Variants in LMLN observed in about 807,000 individuals in gnomAD.
LMLN encodes the protein leishmanolysin like peptidase.
A neutral mutation model predicts 92.3 loss-of-function variants in LMLN; 70 were observed. That is an observed-to-expected ratio of 0.76 (90% confidence interval 0.63 to 0.92). The LOEUF (loss-of-function observed/expected upper bound fraction) is 0.92, where lower values mean the gene tolerates loss of function less well. LMLN is among the 40% of genes least tolerant of loss of function. The pLI, the probability that LMLN is intolerant of heterozygous loss-of-function variation, is 0.00. For synonymous variants in LMLN, 308 were observed against 296.2 expected (o/e 1.04, Z -0.41); for missense variants, 691 against 814.6 (o/e 0.85, Z 1.85).
chr3:198,009,792 C>A (rs77352836), intron 11 of LMLN, among the ~76,000 whole-genome samples: 2 of 152,020 alleles, frequency 1.3e-5, no homozygotes, highest in East Asian at 3.9e-4. Flanking sequence ...CATTATTATT[C>A]TTTTGACATC....
At chr3:197,988,029 T>C (rs1721759776) in intron 8 of LMLN, among the ~76,000 whole-genome samples, 1 of 152,188 alleles carries the variant, frequency 6.6e-6, no homozygotes. Flanking sequence ...TCTTTATAAA[T>C]TAGAGATATT....
At chr3:198,009,317 G>A (rs957996471) in intron 11 of LMLN, among the ~76,000 whole-genome samples, 2 of 152,122 alleles carry the variant, frequency 1.3e-5, no homozygotes, top group Non-Finnish European at 2.9e-5. Flanking sequence ...ACACTTTATA[G>A]TTAGGTGCAC....
At chr3:197,964,064 A>G (rs764667331) in intron 1 of LMLN, among the ~76,000 whole-genome samples, 1 of 152,156 alleles carries the variant, frequency 6.6e-6, no homozygotes, top group Non-Finnish European at 1.5e-5. Context: ...ATGAACTGTT[A>G]TGTGGTAGAT....
chr3:198,016,023 A>G (rs1722629836), intron 11 of LMLN, among the ~76,000 whole-genome samples: 1 of 151,902 alleles, frequency 6.6e-6, no homozygotes, highest in Non-Finnish European at 1.5e-5. Context: ...ACATGACCCC[A>G]TCTCTACAAA....
In LMLN at chr3:198,031,744, A is replaced by G. The variant is rs143110792; in HGVS notation, c.1657-4089A>G. 4.8e-4 allele frequency among the ~76,000 whole-genome samples: 73 copies of G among 152,242 alleles called. No individual in the cohort carries two copies. The highest frequency in any genetic ancestry group is 1.5e-3 in the South Asian group (7 of 4,818). On this transcript the variant is annotated intron_variant, in intron 14 of 15. Transcript: ENST00000330198. The surrounding 1 kb of genome is among the most constrained non-coding windows in gnomAD (Gnocchi z 4.8). The stretch of plus-strand genomic sequence containing the variant: ...CACATCCTCATCTGCCACAAGCCCC[A>G]GTATTCCAAAATTTAATGGGTTGAT...
At chr3:197,993,909 G>A (rs1390134775) in intron 9 of LMLN, among the ~76,000 whole-genome samples, 1 of 152,056 alleles carries the variant, frequency 6.6e-6, no homozygotes, top group African/African-American at 2.4e-5. Flanking sequence ...CATAAAAATA[G>A]GCACATTGAT....
chr3:198,038,195 T>A (rs1487646704), intron 15 of LMLN: 2 of 216,772 alleles, frequency 9.2e-6, no homozygotes, highest in East Asian at 1.1e-4. Flanking sequence ...TGTACTAGTT[T>A]GTGTTGATAA....
intron 13 of LMLN, among the ~76,000 whole-genome samples, chr3:198,023,284 G>A (rs1198248530): frequency 6.6e-6 from 1 of 151,896 alleles, no homozygotes; most frequent in Non-Finnish European, 1.5e-5. Context: ...GTAACTCCTG[G>A]GCTCAAGTGA....
intron 14 of LMLN, among the ~76,000 whole-genome samples, chr3:198,028,966 A>G (rs1477860351): frequency 6.6e-6 from 1 of 152,204 alleles, no homozygotes; most frequent in Non-Finnish European, 1.5e-5. Context: ...CCATGTCTGA[A>G]CTGGCTGTGG....
chr3:197,985,922 C>CTT, intron 8 of LMLN, 32 bp downstream of exon 8: 1 of 1,307,832 alleles, frequency 7.6e-7, no homozygotes, highest in Non-Finnish European at 1.1e-6. Flanking sequence ...TTGTTCTCCT[C>CTT]TTTTAGGAGG....
intron 7 of LMLN, 96 bp downstream of exon 7, chr3:197,984,144 G>A: frequency 1.3e-6 from 1 of 752,670 alleles, no homozygotes. Flanking sequence ...AGATGATGTG[G>A]ATTCCTAGAC....
At position 198,040,620 on chromosome 3, in the gene LMLN, CCTCCTACTCCTCCAT is replaced by C. The variant is rs1373063868; in HGVS notation, c.*1954_*1968del. The C allele has an allele frequency of 2.6e-3, 282 of 109,402 alleles. 1 individual carries two copies. The highest frequency in any genetic ancestry group is 4.6e-3 in the African/African-American group (95 of 20,534). The allele number at this position is 109,402 out of a possible 1,614,324, so 6.8% of individuals were successfully genotyped here. On this transcript the variant is annotated 3_prime_UTR_variant, in exon 16 of 16. Transcript: ENST00000330198. ...TGTAACCACAACCCTCGGACAGACT[CCTCCTACTCCTCCAT>C]GGCATTGTAACCACAACCCTCGGAC...
intron 1 of LMLN, among the ~76,000 whole-genome samples, chr3:197,971,803 T>C (rs1721231552): frequency 6.6e-6 from 1 of 152,146 alleles, no homozygotes; most frequent in South Asian, 2.1e-4. Context: ...ATCTGTAAGT[T>C]GATGTCTTTC....
chr3:197,988,452 AT>A (rs1182806413), intron 8 of LMLN, among the ~76,000 whole-genome samples: 2 of 141,832 alleles, frequency 1.4e-5, no homozygotes, highest in Non-Finnish European at 3.1e-5. Context: ...TATGTTTATA[AT>A]TGTTATATCT....
intron 1 of LMLN, among the ~76,000 whole-genome samples, chr3:197,968,642 G>A (rs1581128707): frequency 2.0e-5 from 3 of 152,134 alleles, no homozygotes; most frequent in East Asian, 3.9e-4. Flanking sequence ...CCTCTGCCGC[G>A]CCTCCAGCCG....
chr3:198,043,368 C>G (rs1723464872), exon 16 of LMLN: 1 of 152,702 alleles, frequency 6.5e-6, no homozygotes, highest in African/African-American at 2.4e-5. Flanking sequence ...CAGAGAGGAG[C>G]CTGTCTCTCA....
chr3:198,009,398 T>G (rs549048275), intron 11 of LMLN, among the ~76,000 whole-genome samples: 1 of 152,322 alleles, frequency 6.6e-6, no homozygotes, highest in South Asian at 2.1e-4. Flanking sequence ...TCTCTTTATC[T>G]CTGATCATTT....
At chr3:197,971,370 A>T (rs1364122158) in intron 1 of LMLN, among the ~76,000 whole-genome samples, 1 of 152,126 alleles carries the variant, frequency 6.6e-6, no homozygotes, top group East Asian at 1.9e-4. Context: ...AAACCATCAG[A>T]TCTTGTGAGA....
intron 5 of LMLN, 152 bp downstream of exon 5, chr3:197,976,867 T>G (rs1159716423): frequency 4.6e-6 from 2 of 435,930 alleles, no homozygotes; most frequent in Non-Finnish European, 8.5e-6. Flanking sequence ...TATTCTTTCA[T>G]TAGCTTTCAA....
Sources: allele counts gnomAD v4.1 joint callset (sites outside exome capture counted in the v4.1 genomes callset), GRCh38; gene constraint gnomAD v4.1.1; non-coding constraint Gnocchi (gnomAD v3.1); transcripts MANE v1.5; gene names NCBI Gene and HGNC (gene_info 2026-07-23, HGNC 2026-07-21).